Variants in SPATA16 observed in about 807,000 individuals in gnomAD.
The protein encoded by SPATA16 is spermatogenesis-associated protein 16.
SPATA16 carries 36 observed loss-of-function variants against 63.3 expected under a neutral mutation model. The observed-to-expected ratio is 0.57, with a 90% confidence interval of 0.44 to 0.75. The LOEUF is 0.75. SPATA16 is among the 30% of genes least tolerant of loss of function. The pLI is 0.00. For missense variants in SPATA16, 646 were observed against 679.3 expected, an observed-to-expected ratio of 0.95 and a Z score of 0.54; for synonymous variants, 203 against 216.7, an observed-to-expected ratio of 0.94 and a Z score of 0.56.
chr3:173,059,962 AAAAAAC>A, intron 2 of SPATA16, among the ~76,000 whole-genome samples: 1 of 151,722 alleles, frequency 6.6e-6, no homozygotes, highest in South Asian at 2.1e-4. Flanking sequence ...GCTAATGTAG[AAAAAAC>A]AGAGCTGGCT....
Position 173,138,141 on chromosome 3 carries a change from G to A in SPATA16, c.-19+2962C>T, listed in dbSNP as rs140577803. Among the ~76,000 whole-genome samples the A allele has an allele frequency of 5.9e-5, 9 of 151,944 alleles. No homozygotes were observed. The East Asian group carries it at 1.2e-3, about 20-fold the overall frequency. ...CAATGTCTTCTCAAGCTATAACTTC[G>A]GTGATCGTTCAAGACAGCATTGAAT... On this transcript the variant is annotated intron_variant, in intron 1 of 10. Coordinates refer to ENST00000351008, the MANE Select transcript of SPATA16 (RefSeq NM_031955.6).
chr3:172,985,165 G>A (rs1162068613), intron 4 of SPATA16, among the ~76,000 whole-genome samples: 1 of 152,144 alleles, frequency 6.6e-6, no homozygotes, highest in East Asian at 1.9e-4. Context: ...TGTCTCACTA[G>A]CAGACATGTC....
chr3:173,049,657 G>T (rs1010035251), intron 2 of SPATA16, among the ~76,000 whole-genome samples: 1 of 152,118 alleles, frequency 6.6e-6, no homozygotes, highest in African/African-American at 2.4e-5. Flanking sequence ...TGAAAGAAAA[G>T]AAGTGAAAAT....
chr3:172,974,650 A>G (rs138341153), intron 5 of SPATA16, among the ~76,000 whole-genome samples: 3 of 152,132 alleles, frequency 2.0e-5, no homozygotes, highest in Non-Finnish European at 4.4e-5. Flanking sequence ...AGAGGGTGTT[A>G]ATTTATAGAA....
intron 4 of SPATA16, among the ~76,000 whole-genome samples, chr3:172,996,009 C>G (rs967560098): frequency 2.6e-5 from 4 of 152,022 alleles, no homozygotes; most frequent in Non-Finnish European, 5.9e-5. Context: ...AGTTACATAA[C>G]CTTAGTCTCT....
intron 2 of SPATA16, among the ~76,000 whole-genome samples, chr3:173,080,027 TATATCCTAAA>T (rs1397698615): frequency 6.6e-6 from 1 of 152,194 alleles, no homozygotes; most frequent in Non-Finnish European, 1.5e-5. Flanking sequence ...CCTACCACAC[TATATCCTAAA>T]GTACCAATAA....
At position 172,956,801 on chromosome 3, in the gene SPATA16, G is replaced by A. The variant is rs916586571; in HGVS notation, c.957C>T (p.Thr319=). Residue 319 remains threonine, a synonymous_variant, in exon 6 of 11, where the codon ACC becomes ACT. Transcript: ENST00000351008. ...YWQAMIEEAI[T]RAESFSVMYT... Reference sequence around the variant, plus strand: ...ACATAACCGAGAAAGATTCAGCTCTGGTGATGGCTTCCTCAATCATGGCCT... The same window carrying A: ...ACATAACCGAGAAAGATTCAGCTCTAGTGATGGCTTCCTCAATCATGGCCT... 3 of 1,613,144 alleles carry A rather than the reference G, an allele frequency of 1.9e-6. No individual in the cohort carries two copies. Among genetic ancestry groups the A allele is most frequent in the Admixed American group, 3.3e-5 (2 of 59,934 alleles).
At chr3:173,092,102 G>A (rs922113141) in intron 2 of SPATA16, among the ~76,000 whole-genome samples, 2 of 152,090 alleles carry the variant, frequency 1.3e-5, no homozygotes, top group Admixed American at 6.6e-5. Flanking sequence ...AGCCCTGTGG[G>A]ATAAGCAGAA....
chr3:173,132,065 A>G (rs1738400421), intron 1 of SPATA16, among the ~76,000 whole-genome samples: 1 of 135,178 alleles, frequency 7.4e-6, no homozygotes, highest in South Asian at 2.3e-4. Flanking sequence ...TAATTACTAT[A>G]TTTATGACAA....
chr3:172,907,737 A>G (rs1732275042), intron 10 of SPATA16, among the ~76,000 whole-genome samples: 1 of 151,870 alleles, frequency 6.6e-6, no homozygotes, highest in African/African-American at 2.4e-5. Context: ...CACCATGCCC[A>G]GCTAATTTTT....
intron 6 of SPATA16, among the ~76,000 whole-genome samples, chr3:172,952,449 C>T (rs1308758581): frequency 6.6e-6 from 1 of 152,128 alleles, no homozygotes; most frequent in East Asian, 1.9e-4. Context: ...TTTTGTTTTG[C>T]AGCCTCTTTC....
intron 2 of SPATA16, among the ~76,000 whole-genome samples, chr3:173,106,789 T>G (rs1236539879): frequency 1.3e-5 from 2 of 152,180 alleles, no homozygotes; most frequent in Admixed American, 6.6e-5. Context: ...ATACTCATCT[T>G]CCTTCCCCTC....
intron 2 of SPATA16, among the ~76,000 whole-genome samples, chr3:173,083,528 T>C (rs1260091151): frequency 6.6e-6 from 1 of 152,168 alleles, no homozygotes; most frequent in African/African-American, 2.4e-5. Context: ...ATGTGCAGGA[T>C]ATGTAGGTTT....
intron 2 of SPATA16, among the ~76,000 whole-genome samples, chr3:173,065,015 T>G (rs2108303063): frequency 6.6e-6 from 1 of 152,374 alleles, no homozygotes; most frequent in East Asian, 1.9e-4. Flanking sequence ...CTTCCTTTTC[T>G]TCTAGTACCA....
intron 2 of SPATA16, among the ~76,000 whole-genome samples, chr3:173,100,705 C>CAG (rs1287339545): frequency 5.7e-4 from 79 of 137,704 alleles, no homozygotes; most frequent in African/African-American, 1.6e-3. Flanking sequence ...CACACACACA[C>CAG]ACAGAGTAAA....
intron 3 of SPATA16, among the ~76,000 whole-genome samples, chr3:173,028,023 TTTCC>T (rs1224712418): frequency 0.091 from 3,308 of 36,368 alleles, 259 homozygotes; most frequent in Middle Eastern, 0.2. Context: ...CCCTTCCTTC[TTTCC>T]TTCCTTCCTT....
At chr3:173,093,110 A>T (rs1293427218) in intron 2 of SPATA16, among the ~76,000 whole-genome samples, 1 of 151,720 alleles carries the variant, frequency 6.6e-6, no homozygotes, top group East Asian at 1.9e-4. Flanking sequence ...TATGATTGAC[A>T]GTTATCTCTT....
intron 4 of SPATA16, among the ~76,000 whole-genome samples, chr3:172,981,078 A>G (rs1412694730): frequency 6.6e-6 from 1 of 152,184 alleles, no homozygotes; most frequent in Non-Finnish European, 1.5e-5. Flanking sequence ...CAAGTCATAC[A>G]ATAGCTCATG....
At chr3:173,040,540 C>A (rs1329954171) in intron 3 of SPATA16, among the ~76,000 whole-genome samples, 1 of 152,206 alleles carries the variant, frequency 6.6e-6, no homozygotes, top group East Asian at 1.9e-4. Flanking sequence ...GGCTTTACAA[C>A]CCAGTGAGTG....
Sources: allele counts gnomAD v4.1 joint callset (sites outside exome capture counted in the v4.1 genomes callset), GRCh38; gene constraint gnomAD v4.1.1; transcripts MANE v1.5; gene names NCBI Gene and HGNC (gene_info 2026-07-23, HGNC 2026-07-21).